Variants in MACROD2 observed in about 807,000 individuals in gnomAD.
MACROD2 encodes the protein ADP-ribose glycohydrolase MACROD2.
Under a neutral mutation model 70.4 loss-of-function variants are expected in MACROD2, and 36 were observed. The ratio of observed to expected loss-of-function variants is 0.51; its 90% CI spans 0.39 to 0.68. The LOEUF is 0.68. Among genes scored for constraint, MACROD2 ranks in the 30% least tolerant of loss-of-function variants. MACROD2 has a pLI of 0.00. For synonymous variants in MACROD2, 172 were observed against 178.8 expected (o/e 0.96, Z 0.30); for missense variants, 496 against 538.4 (o/e 0.92, Z 0.78).
intron 15 of MACROD2, among the ~76,000 whole-genome samples, chr20:16,021,939 GAATA>G (rs752595333): frequency 5.3e-5 from 8 of 151,868 alleles, no homozygotes; most frequent in Non-Finnish European, 1.0e-4. Flanking sequence ...ATGAATGAAT[GAATA>G]AAGTGCTTTT....
chr20:14,822,716 A>G (rs1236205591), intron 5 of MACROD2, among the ~76,000 whole-genome samples: 1 of 152,124 alleles, frequency 6.6e-6, no homozygotes, highest in Non-Finnish European at 1.5e-5. Context: ...TTGAAAAAAT[A>G]ACCTCCTGCA....
At chr20:14,997,387 C>T (rs1221665603) in intron 5 of MACROD2, among the ~76,000 whole-genome samples, 2 of 152,072 alleles carry the variant, frequency 1.3e-5, no homozygotes, top group Admixed American at 6.5e-5. Flanking sequence ...AGTCCTTGGG[C>T]CTTAATAAAC....
intron 8 of MACROD2, among the ~76,000 whole-genome samples, chr20:15,804,830 A>C (rs2063754804): frequency 6.6e-6 from 1 of 152,176 alleles, no homozygotes; most frequent in African/African-American, 2.4e-5. Context: ...AGCCCAGGCA[A>C]GAAAAGCCAG....
intron 2 of MACROD2, among the ~76,000 whole-genome samples, chr20:14,023,739 G>A (rs2053120094): frequency 1.3e-5 from 2 of 152,150 alleles, no homozygotes; most frequent in Admixed American, 6.6e-5. Context: ...TGAGCCCTCT[G>A]TTCTGTATTA....
chr20:15,277,953 A>C (rs1375281324), intron 6 of MACROD2, among the ~76,000 whole-genome samples: 1 of 152,226 alleles, frequency 6.6e-6, no homozygotes, highest in Non-Finnish European at 1.5e-5. Flanking sequence ...AACTTGGAAG[A>C]AAATAAACAG....
chr20:14,741,657 A>G (rs2071733793), intron 5 of MACROD2, among the ~76,000 whole-genome samples: 1 of 152,164 alleles, frequency 6.6e-6, no homozygotes, highest in Admixed American at 6.5e-5. Flanking sequence ...AAATTTTGAA[A>G]AATTAAATTT....
chr20:14,232,254 A>T (rs7269177), intron 3 of MACROD2, among the ~76,000 whole-genome samples: 27,845 of 152,160 alleles, frequency 0.18, 3,687 homozygotes, highest in African/African-American at 0.37. Context: ...TTAGAATGTT[A>T]AACAAGCATT....
At chr20:15,621,436 A>G (rs1489835157) in intron 8 of MACROD2, among the ~76,000 whole-genome samples, 3 of 152,180 alleles carry the variant, frequency 2.0e-5, no homozygotes, top group Non-Finnish European at 4.4e-5. Context: ...GATTGCAATA[A>G]TTTGTTTTCC....
intron 6 of MACROD2, among the ~76,000 whole-genome samples, chr20:15,249,777 C>T (rs1445079428): frequency 1.3e-5 from 2 of 152,188 alleles, no homozygotes; most frequent in African/African-American, 4.8e-5. Context: ...TGCAGAATGA[C>T]AATCCATGTG....
At chr20:14,893,743 T>G (rs2073792585) in intron 5 of MACROD2, 1 of 152,140 alleles carries the variant, frequency 6.6e-6, no homozygotes, top group Non-Finnish European at 1.5e-5. Context: ...CCCTTCTTAT[T>G]TATTTATAAG....
intron 8 of MACROD2, among the ~76,000 whole-genome samples, chr20:15,779,634 G>T (rs2051795910): frequency 1.3e-5 from 2 of 152,086 alleles, no homozygotes; most frequent in African/African-American, 4.8e-5. Flanking sequence ...AAGGTTGTTT[G>T]TTTGTTTCTT....
intron 10 of MACROD2, among the ~76,000 whole-genome samples, chr20:15,886,241 T>C (rs998682686): frequency 1.1e-4 from 16 of 152,150 alleles, no homozygotes; most frequent in African/African-American, 3.6e-4. Context: ...TGTCTAGTGA[T>C]TGATCTCAAC....
Position 14,732,175 on chromosome 20 carries a change from A to G in MACROD2, c.418+47216A>G, listed in dbSNP as rs576337122. Among the ~76,000 whole-genome samples, 17 of 152,138 alleles carry G rather than the reference A, an allele frequency of 1.1e-4. No individual in the cohort carries two copies. The South Asian group carries it at 1.4e-3, about 13-fold the overall frequency. ...CCAGTAAGACTTTGAAAAGGTATAG[A>G]GTTCTTAGGTATTTTGGAGGAGACT... On this transcript the variant is annotated intron_variant, in intron 5 of 17. Coordinates refer to ENST00000684519, the MANE Select transcript of MACROD2 (RefSeq NM_001351661.2).
At chr20:14,757,941 G>A (rs1201992998) in intron 5 of MACROD2, 1 of 1,024,258 alleles carries the variant, frequency 9.8e-7, no homozygotes, top group African/African-American at 1.6e-5. Context: ...GATACCTACA[G>A]ACGGAGTGCT....
At chr20:14,210,381 G>A (rs2122130730) in intron 3 of MACROD2, among the ~76,000 whole-genome samples, 1 of 152,304 alleles carries the variant, frequency 6.6e-6, no homozygotes, top group Admixed American at 6.5e-5. Context: ...CAAGGTGAGA[G>A]ACAGTTGGAG....
intron 15 of MACROD2, among the ~76,000 whole-genome samples, chr20:16,034,218 T>A (rs1469418769): frequency 6.6e-6 from 1 of 152,198 alleles, no homozygotes; most frequent in East Asian, 1.9e-4. Flanking sequence ...ATGATTATTT[T>A]AGATAATGCT....
chr20:15,212,880 C>T (rs1293731673), intron 5 of MACROD2, among the ~76,000 whole-genome samples: 4 of 152,168 alleles, frequency 2.6e-5, no homozygotes, highest in African/African-American at 9.7e-5. Context: ...TTTCTCCACC[C>T]CTACTCCATT....
chr20:15,172,081 A>G (rs950817777), intron 5 of MACROD2, among the ~76,000 whole-genome samples: 1 of 152,228 alleles, frequency 6.6e-6, no homozygotes, highest in Non-Finnish European at 1.5e-5. Context: ...TAAGCTCAAG[A>G]TGGTTTCCCA....
chr20:15,302,387 C>CACATACACACACACACACACAAGACAT (rs2077655652), intron 6 of MACROD2, among the ~76,000 whole-genome samples: 1 of 150,452 alleles, frequency 6.6e-6, no homozygotes, highest in Non-Finnish European at 1.5e-5. Flanking sequence ...CACACATACA[C>CACATACACACACACACACACAAGACAT]ACATACAGAT....
Sources: allele counts gnomAD v4.1 joint callset (sites outside exome capture counted in the v4.1 genomes callset), GRCh38; gene constraint gnomAD v4.1.1; transcripts MANE v1.5; gene names NCBI Gene and HGNC (gene_info 2026-07-23, HGNC 2026-07-21).